Variants in PCNX4 observed in about 807,000 individuals in gnomAD.
PCNX4 encodes pecanex 4.
A neutral mutation model predicts 107.2 loss-of-function variants in PCNX4; 103 were observed. The ratio of observed to expected loss-of-function variants is 0.96; its 90% CI spans 0.82 to 1.13. The LOEUF (loss-of-function observed/expected upper bound fraction) is 1.13, where lower values mean the gene tolerates loss of function less well. Among genes scored for constraint, PCNX4 ranks in the 50% most tolerant of loss-of-function variants. The pLI is 0.00. For missense variants in PCNX4, 1,528 were observed against 1,379.4 expected (o/e 1.11, Z -1.71); for synonymous variants, 541 against 481.7 (o/e 1.12, Z -1.61).
At chr14:60,121,538 C>G (rs1895956326) in intron 8 of PCNX4, among the ~76,000 whole-genome samples, 1 of 151,988 alleles carries the variant, frequency 6.6e-6, no homozygotes, top group Non-Finnish European at 1.5e-5. Flanking sequence ...CAGTCCTATT[C>G]TTGTTATCTC....
chr14:60,119,901 T>C (rs1235297440), intron 7 of PCNX4, among the ~76,000 whole-genome samples: 8 of 152,182 alleles, frequency 5.3e-5, no homozygotes, highest in Non-Finnish European at 7.3e-5. Flanking sequence ...CAGACCTTTC[T>C]GGAAGGAAAT....
rs1896285749 is a variant in PCNX4 at position 60,139,741 on chromosome 14, C to G, written c.*5520C>G. On this transcript the variant is annotated 3_prime_UTR_variant, in exon 11 of 11. Transcript: ENST00000406854. Reference sequence around the variant, plus strand: ...ATATTCTTTGGCCATGTATCATTCACTTAGAAATCAATAATAATTTCAAAA... The same window carrying G: ...ATATTCTTTGGCCATGTATCATTCAGTTAGAAATCAATAATAATTTCAAAA... 1 of 151,974 alleles carries G rather than the reference C, an allele frequency of 6.6e-6. No homozygotes were observed. The highest frequency in any genetic ancestry group is 1.5e-5 in the Non-Finnish European group (1 of 67,934). The allele number at this position is 151,974 out of a possible 1,614,324, so 9.4% of individuals were successfully genotyped here.
In PCNX4 at chr14:60,140,299, G is replaced by GA. The variant is rs1896292409; in HGVS notation, c.*6084dup. The GA allele has an allele frequency of 6.6e-6, 1 of 152,098 alleles. No homozygotes were observed. Among genetic ancestry groups the GA allele is most frequent in the Non-Finnish European group, 1.5e-5 (1 of 67,996 alleles). 9.4% of individuals were successfully genotyped at this position (152,098 alleles called of 1,614,324 possible). On this transcript the variant is annotated 3_prime_UTR_variant, in exon 11 of 11. Coordinates refer to ENST00000406854, the MANE Select transcript of PCNX4 (RefSeq NM_001330177.2). The surrounding 1 kb of genome is among the most constrained non-coding windows in gnomAD (Gnocchi z 4.2). ...TATGGAAGAGCCAAAATTGACAAAT[G>GA]AAAAAATAGAAAATTCGAGTAGTTC... is the stretch of plus-strand genomic sequence containing the variant.
chr14:60,106,308 A>G (rs1895627964), intron 1 of PCNX4, among the ~76,000 whole-genome samples: 1 of 152,172 alleles, frequency 6.6e-6, no homozygotes, highest in Non-Finnish European at 1.5e-5. Flanking sequence ...TGTACTTTAA[A>G]TCATCTCTAG....
Position 60,133,919 on chromosome 14 carries a change from A to T in PCNX4, c.3268-51A>T, listed in dbSNP as rs1046687448. 1.4e-5 allele frequency: 21 copies of T among 1,518,368 alleles called. 1 individual carries two copies. In the Admixed American group the frequency reaches 4.4e-4, roughly 32 times the overall value. 94.1% of individuals were successfully genotyped at this position (1,518,368 alleles called of 1,614,324 possible). A position where few individuals can be genotyped will look rare whatever the true frequency, so the allele number is the denominator to read the frequency against. On this transcript the variant is annotated intron_variant, in intron 10 of 10. Coordinates refer to ENST00000406854, the MANE Select transcript of PCNX4 (RefSeq NM_001330177.2). ...GTTTATGAATAAAATATAAAGACCT[A>T]AATGGAATCTCTTTTCTTTTTCTCC...
intron 1 of PCNX4, among the ~76,000 whole-genome samples, chr14:60,101,653 C>T (rs1895534632): frequency 6.6e-6 from 1 of 151,928 alleles, no homozygotes; most frequent in Non-Finnish European, 1.5e-5. Flanking sequence ...CAAAATTGTG[C>T]AGCCACTATC....
chr14:60,143,601 T>A lies in PCNX4; in HGVS notation c.*9380T>A, dbSNP rs2140579548. The A allele has an allele frequency of 6.6e-6, 1 of 152,358 alleles. No homozygotes were observed. Among genetic ancestry groups the A allele is most frequent in the Non-Finnish European group, 1.5e-5 (1 of 68,040 alleles). 9.4% of individuals were successfully genotyped at this position (152,358 alleles called of 1,614,324 possible). A position where few individuals can be genotyped will look rare whatever the true frequency, so the allele number is the denominator to read the frequency against. ...TAGCGTTGCTTCTTTATTTCTTCACTTATGACTATGCCTCTAGTACATATC... is the reference window on the plus strand; with the variant it reads ...TAGCGTTGCTTCTTTATTTCTTCACATATGACTATGCCTCTAGTACATATC... On this transcript the variant is annotated 3_prime_UTR_variant, in exon 11 of 11. Coordinates refer to ENST00000406854, the MANE Select transcript of PCNX4 (RefSeq NM_001330177.2).
At chr14:60,111,392 T>C (rs1047927828) in intron 2 of PCNX4, among the ~76,000 whole-genome samples, 5 of 152,188 alleles carry the variant, frequency 3.3e-5, no homozygotes, top group African/African-American at 9.7e-5. Context: ...AGGAAATCCA[T>C]TTATAATTGG....
intron 8 of PCNX4, among the ~76,000 whole-genome samples, chr14:60,123,383 G>A (rs1595174907): frequency 6.6e-6 from 1 of 152,086 alleles, no homozygotes; most frequent in East Asian, 1.9e-4. Context: ...CTTTGAAACA[G>A]GAAAAAGGAA....
intron 1 of PCNX4, among the ~76,000 whole-genome samples, chr14:60,097,396 C>T (rs546330573): frequency 5.9e-5 from 9 of 152,276 alleles, no homozygotes; most frequent in African/African-American, 2.2e-4. Flanking sequence ...TTTACTACGC[C>T]TTGTGGGAAT....
At position 60,137,696 on chromosome 14, in the gene PCNX4, C is replaced by G. The variant is rs746634990; in HGVS notation, c.*3475C>G. ...TACTATGTTTAGTGTGTTTAAAGAT[C>G]TAAAACACAAGATTGAGAATTTCAG... On this transcript the variant is annotated 3_prime_UTR_variant, in exon 11 of 11. Transcript: ENST00000406854. 1.3e-5 allele frequency: 2 copies of G among 152,058 alleles called. No individual in the cohort carries two copies. The highest frequency in any genetic ancestry group is 6.5e-5 in the Admixed American group (1 of 15,272). 9.4% of individuals were successfully genotyped at this position (152,058 alleles called of 1,614,324 possible).
In PCNX4 at chr14:60,107,824, C is replaced by G. The variant is rs866140904; in HGVS notation, c.186C>G (p.Tyr62Ter). Residue 62 changes from tyrosine (Y) to a stop codon, truncating the protein, a stop_gained, in exon 2 of 11, where the codon TAC becomes TAG. Coordinates refer to ENST00000406854, the MANE Select transcript of PCNX4 (RefSeq NM_001330177.2). LOFTEE classifies it high-confidence loss of function. ...GGGGTGGAGTCGGAACACTTTTATA[C>G]CAGTTAGGCATCCTGAAAGACTATT... ...WVWGGVGTLL[Y>*]QLGILKDYYT... 3.1e-6 allele frequency: 5 copies of G among 1,612,540 alleles called. No homozygotes were observed. In the South Asian group the frequency reaches 3.3e-5, roughly 11 times the overall value.
In PCNX4 at chr14:60,105,539, T is replaced by C. The variant is rs1316156875; in HGVS notation, c.-53-2047T>C. On this transcript the variant is annotated intron_variant, in intron 1 of 10. Coordinates refer to ENST00000406854, the MANE Select transcript of PCNX4 (RefSeq NM_001330177.2). The stretch of plus-strand genomic sequence containing the variant: ...CTATATATATAGGTGTGTGTACTCT[T>C]TTTTTTGGATACAAATGGAATCAGT... 3.9e-5 allele frequency among the ~76,000 whole-genome samples: 6 copies of C among 152,296 alleles called. No homozygotes were observed. In the East Asian group the frequency reaches 1.2e-3, roughly 29 times the overall value.
rs1566524879 is a variant in PCNX4 at position 60,137,947 on chromosome 14, CG to C, written c.*3729del. The stretch of plus-strand genomic sequence containing the variant: ...TAGTAAAAATAAAAAAAAAAATAAC[CG>C]GGTGTGGTGGTGGGTGCCTGTAGTC... On this transcript the variant is annotated 3_prime_UTR_variant, in exon 11 of 11. Transcript: ENST00000406854. The C allele has an allele frequency of 6.6e-6, 1 of 151,612 alleles. No homozygotes were observed. The highest frequency in any genetic ancestry group is 2.4e-5 in the African/African-American group (1 of 41,220). 9.4% of individuals were successfully genotyped at this position (151,612 alleles called of 1,614,324 possible). A position where few individuals can be genotyped will look rare whatever the true frequency, so the allele number is the denominator to read the frequency against.
intron 5 of PCNX4, 42 bp downstream of exon 5, chr14:60,115,861 G>A: frequency 6.3e-7 from 1 of 1,591,564 alleles, no homozygotes; most frequent in Non-Finnish European, 8.6e-7. Flanking sequence ...CTATTGCTAA[G>A]TTTTATTGTA....
chr14:60,119,171 A>C (rs373751384), intron 7 of PCNX4, among the ~76,000 whole-genome samples: 15 of 152,344 alleles, frequency 9.8e-5, no homozygotes, highest in African/African-American at 3.6e-4. Flanking sequence ...ACAAGATAAC[A>C]TAAAAACTTC....
chr14:60,107,834 A>T lies in PCNX4; in HGVS notation c.196A>T (p.Ile66Phe). The change falls in exon 2 of 11, where the codon ATC becomes TTC. Residue 66 changes from isoleucine (I) to phenylalanine (F), a missense_variant. Physicochemically the swap from Ile to Phe is conservative, Grantham distance 21 (BLOSUM62 0). Coordinates refer to ENST00000406854, the MANE Select transcript of PCNX4 (RefSeq NM_001330177.2). ...CGGAACACTTTTATACCAGTTAGGC[A>T]TCCTGAAAGACTATTATACAGCAGC... ...GVGTLLYQLG[I>F]LKDYYTAALS... The T allele has an allele frequency of 1.2e-6, 2 of 1,612,774 alleles. No individual in the cohort carries two copies. The highest frequency in any genetic ancestry group is 1.7e-6 in the Non-Finnish European group (2 of 1,179,758).
intron 10 of PCNX4, among the ~76,000 whole-genome samples, chr14:60,129,581 TA>T (rs1896117798): frequency 6.6e-6 from 1 of 152,144 alleles, no homozygotes; most frequent in African/African-American, 2.4e-5. Context: ...ACAAACACAA[TA>T]AATGTATACT....
At chr14:60,097,693 T>A (rs1895451296) in intron 1 of PCNX4, among the ~76,000 whole-genome samples, 1 of 152,146 alleles carries the variant, frequency 6.6e-6, no homozygotes, top group Non-Finnish European at 1.5e-5. Context: ...CCAGACAGAT[T>A]CTTGGTTTGG....
Sources: gnomAD v4.1 joint callset for allele counts (sites outside exome capture counted in the v4.1 genomes callset) on GRCh38, gnomAD v4.1.1 for gene constraint, Gnocchi (gnomAD v3.1) non-coding constraint, MANE v1.5 for transcripts, NCBI Gene and HGNC (gene_info 2026-07-23, HGNC 2026-07-21) for gene names.